Variants in CLSTN2 observed in about 807,000 individuals in gnomAD.
The protein encoded by CLSTN2 is calsyntenin 2, also known as calsyntenin-2.
A neutral mutation model predicts 101.2 loss-of-function variants in CLSTN2; 48 were observed. The observed-to-expected ratio is 0.47, with a 90% CI of 0.38 to 0.60. CLSTN2 has a LOEUF of 0.60. Ranked by LOEUF, CLSTN2 falls within the 20% of genes least tolerant of loss-of-function variation. CLSTN2 has a pLI of 0.00. For missense variants in CLSTN2, 1,160 were observed against 1,238.2 expected (o/e 0.94, Z 0.95); for synonymous variants, 481 against 463.6 (o/e 1.04, Z -0.48).
intron 2 of CLSTN2, among the ~76,000 whole-genome samples, chr3:140,252,348 A>G (rs1052192725): frequency 1.3e-5 from 2 of 152,162 alleles, no homozygotes; most frequent in African/African-American, 2.4e-5. Flanking sequence ...GTCCTGAACT[A>G]GCACTCAGAG....
chr3:140,399,898 A>G (rs563382879), intron 2 of CLSTN2, among the ~76,000 whole-genome samples: 27 of 151,316 alleles, frequency 1.8e-4, no homozygotes, highest in African/African-American at 6.6e-4. Flanking sequence ...CCCAGTGTCT[A>G]TTCCCCATCT....
intron 5 of CLSTN2, among the ~76,000 whole-genome samples, chr3:140,431,190 C>T (rs1311515567): frequency 6.6e-6 from 1 of 152,158 alleles, no homozygotes; most frequent in Non-Finnish European, 1.5e-5. Flanking sequence ...CTTGATTGAA[C>T]CAGGTATAGG....
chr3:140,328,872 T>G (rs1044374025), intron 2 of CLSTN2, among the ~76,000 whole-genome samples: 1 of 152,224 alleles, frequency 6.6e-6, no homozygotes, highest in South Asian at 2.1e-4. Context: ...ATGCATTCAG[T>G]AAACTTCTCC....
intron 1 of CLSTN2, among the ~76,000 whole-genome samples, chr3:140,165,898 G>A (rs1559795581): frequency 6.6e-6 from 1 of 152,126 alleles, no homozygotes; most frequent in Non-Finnish European, 1.5e-5. Flanking sequence ...ACTATTGAAA[G>A]GCTTCACTTG....
intron 1 of CLSTN2, among the ~76,000 whole-genome samples, chr3:140,173,427 C>T (rs1310968241): frequency 6.6e-6 from 1 of 152,222 alleles, no homozygotes; most frequent in Non-Finnish European, 1.5e-5. Context: ...TGTTGAGTAC[C>T]TGCAGCTTTT....
intron 2 of CLSTN2, among the ~76,000 whole-genome samples, chr3:140,313,488 T>C (rs983913038): frequency 2.0e-4 from 31 of 152,154 alleles, no homozygotes; most frequent in African/African-American, 7.2e-4. Context: ...TTGAATTCTA[T>C]GACAAATTAC....
At chr3:140,362,135 A>G (rs1343672996) in intron 2 of CLSTN2, among the ~76,000 whole-genome samples, 1 of 152,208 alleles carries the variant, frequency 6.6e-6, no homozygotes, top group African/African-American at 2.4e-5. Context: ...TCAACGGAAC[A>G]GAAATAAGAG....
chr3:140,450,160 ACCCAT>A (rs1933210116), intron 6 of CLSTN2: 1 of 152,158 alleles, frequency 6.6e-6, no homozygotes, highest in Non-Finnish European at 1.5e-5. Context: ...TGAGGAGGTC[ACCCAT>A]CCCATTTTAG....
chr3:140,216,277 G>A (rs898235547), intron 2 of CLSTN2, among the ~76,000 whole-genome samples: 1 of 152,084 alleles, frequency 6.6e-6, no homozygotes, highest in Non-Finnish European at 1.5e-5. Flanking sequence ...CAAAACATTG[G>A]CGACCACGAA....
chr3:140,278,320 C>T (rs2086813637), intron 2 of CLSTN2, among the ~76,000 whole-genome samples: 2 of 148,072 alleles, frequency 1.4e-5, no homozygotes, highest in South Asian at 2.2e-4. Context: ...ACCCTTCTTT[C>T]CCAGTGCTTT....
chr3:139,935,411 C>G lies in CLSTN2; in HGVS notation c.37C>G (p.Leu13Val). 1 of 1,230,928 alleles carries G rather than the reference C, an allele frequency of 8.1e-7. No homozygotes were observed. The highest frequency in any genetic ancestry group is 1.0e-6 in the Non-Finnish European group (1 of 987,168). The allele number at this position is 1,230,928 out of a possible 1,614,324, so 76.3% of individuals were successfully genotyped here. A position where few individuals can be genotyped will look rare whatever the true frequency, so the allele number is the denominator to read the frequency against. Residue 13 changes from leucine to valine, a missense_variant, in exon 1 of 17, where the codon CTG becomes GTG. By Grantham distance (32) the Leu-to-Val change is conservative (BLOSUM62 1). Transcript: ENST00000458420. This position sits in a 1 kb window ranked among gnomAD's most constrained non-coding sequence, Gnocchi z 5.5. ...GCGGCTGTGCTGGGTGCCGCTCCTG[C>G]TGGCGCTGGGCGTGGGGAGCGGCAG... ...PGRLCWVPLL[L>V]ALGVGSGSGG... is the part of the protein sequence containing the mutation.
At chr3:140,540,511 C>T (rs772567058) in intron 9 of CLSTN2, among the ~76,000 whole-genome samples, 1 of 152,176 alleles carries the variant, frequency 6.6e-6, no homozygotes, top group East Asian at 1.9e-4. Flanking sequence ...TGAGAGAAAG[C>T]GAGATTTCAG....
chr3:140,566,044 G>C lies in CLSTN2; in HGVS notation c.2668-9G>C. The C allele has an allele frequency of 2.5e-6, 4 of 1,613,992 alleles. No individual in the cohort carries two copies. The highest frequency in any genetic ancestry group is 2.2e-5 in the East Asian group (1 of 44,844). The stretch of plus-strand genomic sequence containing the variant: ...TGATGAGCATTTGCTTTTTCTCCTT[G>C]ATATCCAGAAACATGAAGGACCAGG... On this transcript the variant is annotated splice_polypyrimidine_tract_variant and intron_variant, in intron 16 of 16. Coordinates refer to ENST00000458420, the MANE Select transcript of CLSTN2 (RefSeq NM_022131.3).
At chr3:140,069,835 A>G (rs2008361132) in intron 1 of CLSTN2, among the ~76,000 whole-genome samples, 1 of 152,212 alleles carries the variant, frequency 6.6e-6, no homozygotes, top group African/African-American at 2.4e-5. Context: ...ATTAGGATGT[A>G]GCTGGGAGTG....
At chr3:140,039,286 G>C (rs912577016) in intron 1 of CLSTN2, among the ~76,000 whole-genome samples, 3 of 151,896 alleles carry the variant, frequency 2.0e-5, no homozygotes, top group Non-Finnish European at 4.4e-5. Context: ...CTGGGTCCAG[G>C]GGGTAGAACC....
At chr3:140,138,412 C>T (rs2009647269) in intron 1 of CLSTN2, among the ~76,000 whole-genome samples, 1 of 152,184 alleles carries the variant, frequency 6.6e-6, no homozygotes, top group Admixed American at 6.5e-5. Flanking sequence ...AGCCACCAGG[C>T]CAGTGCTTAG....
intron 8 of CLSTN2, among the ~76,000 whole-genome samples, chr3:140,521,871 G>T (rs780790772): frequency 6.6e-6 from 1 of 152,156 alleles, no homozygotes; most frequent in Non-Finnish European, 1.5e-5. Context: ...AGTGGGGCCC[G>T]CAGAATGACA....
chr3:140,084,728 G>A (rs1160592874), intron 1 of CLSTN2, among the ~76,000 whole-genome samples: 1 of 136,224 alleles, frequency 7.3e-6, no homozygotes, highest in African/African-American at 2.8e-5. Context: ...CAAATTCTAA[G>A]GGATTCAGGG....
intron 2 of CLSTN2, among the ~76,000 whole-genome samples, chr3:140,332,749 G>A (rs1020175381): frequency 7.3e-5 from 11 of 151,068 alleles, no homozygotes; most frequent in Non-Finnish European, 1.6e-4. Flanking sequence ...TTGCCCTTCC[G>A]ACAGAGATAG....
Sources: gnomAD v4.1 joint callset for allele counts (sites outside exome capture counted in the v4.1 genomes callset) on GRCh38, gnomAD v4.1.1 for gene constraint, Gnocchi (gnomAD v3.1) non-coding constraint, MANE v1.5 for transcripts, NCBI Gene and HGNC (gene_info 2026-07-23, HGNC 2026-07-21) for gene names.